The following VPS33A variants were observed in gnomAD, a reference collection of about 807,000 sequenced individuals.
VPS33A encodes VPS33A core subunit of CORVET and HOPS complexes.
VPS33A carries 32 observed loss-of-function variants against 71.8 expected under a neutral mutation model. That is an observed-to-expected ratio of 0.45 (90% CI 0.34 to 0.60). The LOEUF (loss-of-function observed/expected upper bound fraction) is 0.60. Ranked by LOEUF, VPS33A falls within the 20% of genes least tolerant of loss-of-function variation. The pLI, the probability that VPS33A is intolerant of heterozygous loss-of-function variation, is 0.02. For synonymous variants in VPS33A, 311 were observed against 292.7 expected (o/e 1.06, Z -0.64); for missense variants, 625 against 748.5 (o/e 0.84, Z 1.92).
chr12:122,264,806 T>G (rs1444480941), intron 1 of VPS33A: 1 of 152,172 alleles, frequency 6.6e-6, no homozygotes, highest in Non-Finnish European at 1.5e-5. Flanking sequence ...ATCACTGTCC[T>G]GAACAGAAAG....
intron 4 of VPS33A, among the ~76,000 whole-genome samples, chr12:122,255,188 T>TA (rs768890316): frequency 2.9e-4 from 44 of 152,168 alleles, no homozygotes; most frequent in Non-Finnish European, 4.1e-4. Context: ...TCCCATTAAA[T>TA]ACACAAATAT....
At chr12:122,258,914 G>A (rs529012402) in intron 4 of VPS33A, among the ~76,000 whole-genome samples, 1 of 150,034 alleles carries the variant, frequency 6.7e-6, no homozygotes, top group Admixed American at 6.7e-5. Context: ...CTGGGAGGCC[G>A]AGGTTGCAGT....
intron 11 of VPS33A, among the ~76,000 whole-genome samples, chr12:122,235,555 C>T (rs879388082): frequency 6.6e-6 from 1 of 152,078 alleles, no homozygotes; most frequent in Admixed American, 6.6e-5. Flanking sequence ...TGAGCCACCG[C>T]GCCCAGCCCA....
intron 4 of VPS33A, 70 bp downstream of exon 4, chr12:122,261,191 A>T: frequency 7.5e-7 from 1 of 1,331,722 alleles, no homozygotes; most frequent in South Asian, 1.4e-5. Context: ...AGTAATCAGT[A>T]CTGTGGTATG....
At chr12:122,261,697 C>G (rs1381738104) in intron 3 of VPS33A, among the ~76,000 whole-genome samples, 1 of 151,534 alleles carries the variant, frequency 6.6e-6, no homozygotes, top group Non-Finnish European at 1.5e-5. Context: ...GGCAAAACCC[C>G]GTCTCTATAA....
Position 122,232,396 on chromosome 12 carries a change from T to C in VPS33A, c.1641A>G (p.Ile547Met). 6.2e-7 allele frequency: 1 copy of C among 1,613,142 alleles called. No homozygotes were observed. Among genetic ancestry groups the C allele is most frequent in the Non-Finnish European group, 8.5e-7 (1 of 1,179,764 alleles). Reference protein sequence around the residue: ...RQPGENRVTLIFFLGGVTFAE... With the variant: ...RQPGENRVTLMFFLGGVTFAE... ...CGAAGGTTACGCCCCCAAGGAAAAA[T>C]ATCAGAGTCACTCGGTTTTCTCCCG... The change falls in exon 13 of 13, where the codon ATA (isoleucine) becomes ATG (methionine). Residue 547 changes from isoleucine to methionine, a missense_variant. Transcript: ENST00000267199.
chr12:122,232,989 A>C (rs1219843160), intron 11 of VPS33A, 21 bp from the exon 12 acceptor site: 2 of 1,572,704 alleles, frequency 1.3e-6, no homozygotes, highest in Non-Finnish European at 1.7e-6. Flanking sequence ...ATTAAAGAAC[A>C]AAAACCCTAT....
chr12:122,235,912 A>G lies in VPS33A; in HGVS notation c.1314T>C (p.Tyr438=), dbSNP rs760072597. Residue 438 remains tyrosine, a synonymous_variant, in exon 11 of 13, where the codon TAT becomes TAC. Transcript: ENST00000267199. Reference sequence around the variant, plus strand: ...GGTTGTGTAAGGTCAATATGTGCTCATAGCCGTATGTCTGCAAGGGAAGTC... The same window carrying G: ...GGTTGTGTAAGGTCAATATGTGCTCGTAGCCGTATGTCTGCAAGGGAAGTC... ...YKREILQTYG[Y]EHILTLHNLE... is the part of the protein sequence containing the mutation. The G allele has an allele frequency of 5.0e-6, 8 of 1,609,760 alleles. No homozygotes were observed. Among genetic ancestry groups the G allele is most frequent in the South Asian group, 2.2e-5 (2 of 90,242 alleles).
At chr12:122,235,388 C>T (rs1369919209) in intron 11 of VPS33A, among the ~76,000 whole-genome samples, 3 of 151,972 alleles carry the variant, frequency 2.0e-5, no homozygotes, top group Admixed American at 2.0e-4. Context: ...CCTCAGCCCC[C>T]CAAGTAGATG....
chr12:122,232,671 G>C (rs1954578719), intron 12 of VPS33A, 129 bp downstream of exon 12: 11 of 1,228,218 alleles, frequency 9.0e-6, no homozygotes, highest in Non-Finnish European at 1.2e-5. Flanking sequence ...ACATACATTA[G>C]CAACGAACAA....
intron 4 of VPS33A, among the ~76,000 whole-genome samples, chr12:122,255,494 A>C (rs998994573): frequency 1.3e-5 from 2 of 152,180 alleles, no homozygotes; most frequent in African/African-American, 4.8e-5. Flanking sequence ...TCATGAGGTC[A>C]GGAGTTCGAG....
Position 122,235,914 on chromosome 12 carries a change from A to G in VPS33A, c.1312T>C (p.Tyr438His), listed in dbSNP as rs1954624360. The change falls in exon 11 of 13, where the codon TAT (tyrosine) becomes CAT (histidine). Residue 438 changes from tyrosine (Y) to histidine (H), a missense_variant. Coordinates refer to ENST00000267199, the MANE Select transcript of VPS33A (RefSeq NM_022916.6). The stretch of plus-strand genomic sequence containing the variant: ...TTGTGTAAGGTCAATATGTGCTCAT[A>G]GCCGTATGTCTGCAAGGGAAGTCAT... ...YKREILQTYG[Y>H]EHILTLHNLE... The G allele has an allele frequency of 1.2e-6, 2 of 1,608,408 alleles. No individual in the cohort carries two copies. Among genetic ancestry groups the G allele is most frequent in the South Asian group, 1.1e-5 (1 of 90,024 alleles).
chr12:122,249,029 T>G (rs943920519), intron 6 of VPS33A: 1 of 152,216 alleles, frequency 6.6e-6, no homozygotes, highest in East Asian at 1.9e-4. Context: ...AAACTGACCC[T>G]TTGGAGGCAT....
At chr12:122,236,913 A>G (rs1954635795) in intron 10 of VPS33A, among the ~76,000 whole-genome samples, 1 of 152,200 alleles carries the variant, frequency 6.6e-6, no homozygotes, top group South Asian at 2.1e-4. Context: ...GGAGTTTGGA[A>G]GGAAGCAAAT....
intron 4 of VPS33A, among the ~76,000 whole-genome samples, chr12:122,251,317 C>A (rs1346552061): frequency 1.3e-5 from 2 of 152,218 alleles, no homozygotes; most frequent in Admixed American, 1.3e-4. Context: ...GCCGTGGAAG[C>A]ACCTCTCCTG....
intron 4 of VPS33A, among the ~76,000 whole-genome samples, chr12:122,252,300 G>A (rs1285339410): frequency 4.0e-5 from 6 of 150,724 alleles, no homozygotes; most frequent in East Asian, 1.9e-4. Flanking sequence ...ATGGAGTCTC[G>A]CTCTGTCGCC....
intron 2 of VPS33A, 144 bp from the exon 3 acceptor site, chr12:122,263,843 A>G: frequency 2.8e-6 from 3 of 1,065,534 alleles, no homozygotes; most frequent in Non-Finnish European, 3.9e-6. Context: ...CCAAATACAT[A>G]AAGGACAAAG....
Position 122,230,870 on chromosome 12 carries a change from A to T in VPS33A, c.*1376T>A, listed in dbSNP as rs1954551553. The T allele has an allele frequency of 6.6e-6, 1 of 152,240 alleles. No homozygotes were observed. The highest frequency in any genetic ancestry group is 2.1e-4 in the South Asian group (1 of 4,830). 9.4% of individuals were successfully genotyped at this position (152,240 alleles called of 1,614,324 possible). On this transcript the variant is annotated 3_prime_UTR_variant, in exon 13 of 13. Coordinates refer to ENST00000267199, the MANE Select transcript of VPS33A (RefSeq NM_022916.6). The stretch of plus-strand genomic sequence containing the variant: ...CCCCTGCCCCCCACCACAGCCTGAC[A>T]GTCTCCTGCAGGAGTAGCAGCAGCT...
chr12:122,235,671 A>ATT, intron 11 of VPS33A, 115 bp downstream of exon 11: 1 of 1,384,428 alleles, frequency 7.2e-7, no homozygotes, highest in South Asian at 1.5e-5. Flanking sequence ...TTTCAAAAAC[A>ATT]TTAGAAAATT....
Sources: allele counts gnomAD v4.1 joint callset (sites outside exome capture counted in the v4.1 genomes callset), GRCh38; gene constraint gnomAD v4.1.1; transcripts MANE v1.5; gene names NCBI Gene and HGNC (gene_info 2026-07-23, HGNC 2026-07-21).